SNTG1: variants seen among roughly 807,000 people sequenced by gnomAD.
SNTG1 encodes the protein syntrophin gamma 1.
SNTG1 carries 39 observed loss-of-function variants against 74.7 expected under a neutral mutation model. That is an observed-to-expected ratio of 0.52 (90% confidence interval 0.40 to 0.68). SNTG1 has a LOEUF of 0.68. Ranked by LOEUF, SNTG1 falls within the 30% of genes least tolerant of loss-of-function variation. SNTG1 has a pLI of 0.00. For missense variants in SNTG1, 685 were observed against 609.5 expected, an observed-to-expected ratio of 1.12 and a Z score of -1.30; for synonymous variants, 254 against 217.1, an observed-to-expected ratio of 1.17 and a Z score of -1.49.
intron 15 of SNTG1, among the ~76,000 whole-genome samples, chr8:50,678,241 T>C (rs1018207): frequency 0.33 from 50,539 of 151,932 alleles, 10,883 homozygotes; most frequent in African/African-American, 0.61. Context: ...ATATCAAACA[T>C]TCTCTACCTC....
chr8:50,114,544 G>A (rs2080737009), intron 1 of SNTG1, among the ~76,000 whole-genome samples: 1 of 152,152 alleles, frequency 6.6e-6, no homozygotes. Flanking sequence ...CTGGGGAAAT[G>A]TTGGCCAAAG....
chr8:50,012,101 T>G (rs1397896041), intron 1 of SNTG1, among the ~76,000 whole-genome samples: 7 of 151,346 alleles, frequency 4.6e-5, no homozygotes. Context: ...TGGCAAGAGA[T>G]GAGTAATTAT....
chr8:50,787,226 A>G (rs1299510159), intron 18 of SNTG1, among the ~76,000 whole-genome samples: 1 of 151,952 alleles, frequency 6.6e-6, no homozygotes, highest in Admixed American at 6.6e-5. Context: ...GTCAATAAGC[A>G]CAAGAAATGA....
At chr8:50,522,948 A>G (rs2094192097) in intron 9 of SNTG1, among the ~76,000 whole-genome samples, 1 of 152,174 alleles carries the variant, frequency 6.6e-6, no homozygotes, top group Non-Finnish European at 1.5e-5. Context: ...TGGATACATC[A>G]AAAATCTGTT....
At position 50,480,037 on chromosome 8, in the gene SNTG1, A is replaced by G. The variant is rs1372660821; in HGVS notation, c.364-22741A>G. On this transcript the variant is annotated intron_variant, in intron 8 of 18. Transcript: ENST00000642720. ...ACTTTAAAATAGTGAGACCTTGTCT[A>G]ACTGAGGATAGAGCACCTCTGGCTA... is the stretch of plus-strand genomic sequence containing the variant. Among the ~76,000 whole-genome samples the G allele has an allele frequency of 3.3e-5, 5 of 152,214 alleles. No homozygotes were observed. The East Asian group carries it at 9.6e-4, about 29-fold the overall frequency.
intron 2 of SNTG1, among the ~76,000 whole-genome samples, chr8:50,266,423 C>T (rs926385696): frequency 1.3e-5 from 2 of 151,678 alleles, no homozygotes; most frequent in African/African-American, 4.8e-5. Context: ...AAATCATAAA[C>T]AAAAGTTAAC....
chr8:50,149,171 T>G (rs1467216441), intron 1 of SNTG1, among the ~76,000 whole-genome samples: 1 of 152,256 alleles, frequency 6.6e-6, no homozygotes, highest in African/African-American at 2.4e-5. Context: ...ATGTGTCTGT[T>G]GGCTGCATAA....
chr8:50,433,948 G>A (rs1217048297), intron 4 of SNTG1, among the ~76,000 whole-genome samples: 2 of 152,126 alleles, frequency 1.3e-5, no homozygotes, highest in Non-Finnish European at 2.9e-5. Flanking sequence ...GTGCAGGTTT[G>A]TTACATATGT....
At chr8:50,126,589 A>G (rs947004953) in intron 1 of SNTG1, among the ~76,000 whole-genome samples, 18 of 152,002 alleles carry the variant, frequency 1.2e-4, no homozygotes, top group Non-Finnish European at 2.4e-4. Flanking sequence ...AAGCATATAT[A>G]CATTTACATA....
chr8:50,198,283 G>T (rs190448290), intron 2 of SNTG1, among the ~76,000 whole-genome samples: 1 of 152,330 alleles, frequency 6.6e-6, no homozygotes, highest in Admixed American at 6.5e-5. Context: ...TGGCAGTGGG[G>T]AGAAGGGAAA....
At chr8:50,049,681 G>T (rs1428797747) in intron 1 of SNTG1, among the ~76,000 whole-genome samples, 3 of 151,950 alleles carry the variant, frequency 2.0e-5, no homozygotes, top group African/African-American at 7.2e-5. Context: ...AACAATGGCA[G>T]AATCCACAAT....
intron 2 of SNTG1, among the ~76,000 whole-genome samples, chr8:50,215,037 G>T (rs1245229837): frequency 6.6e-6 from 1 of 152,134 alleles, no homozygotes; most frequent in Admixed American, 6.6e-5. Flanking sequence ...TCAAAATGCT[G>T]TAGACTGAGT....
At chr8:50,510,380 T>C (rs2094057939) in intron 9 of SNTG1, among the ~76,000 whole-genome samples, 1 of 152,184 alleles carries the variant, frequency 6.6e-6, no homozygotes, top group South Asian at 2.1e-4. Flanking sequence ...AATTGTCTTT[T>C]TTTGTCGTGT....
At chr8:50,419,513 A>C (rs1209992164) in intron 4 of SNTG1, among the ~76,000 whole-genome samples, 2 of 152,260 alleles carry the variant, frequency 1.3e-5, no homozygotes, top group Middle Eastern at 3.4e-3. Context: ...TGAAATTCAA[A>C]TCTGTGCAGC....
At chr8:50,443,747 A>G (rs967847486) in intron 5 of SNTG1, among the ~76,000 whole-genome samples, 4 of 152,220 alleles carry the variant, frequency 2.6e-5, no homozygotes, top group Non-Finnish European at 5.9e-5. Flanking sequence ...TATGCTTAGA[A>G]CTATAAAACC....
chr8:50,135,307 T>A (rs796917046), intron 1 of SNTG1, among the ~76,000 whole-genome samples: 5 of 152,274 alleles, frequency 3.3e-5, no homozygotes, highest in African/African-American at 1.2e-4. Context: ...TTCTTAACAT[T>A]CCATCATGTG....
intron 2 of SNTG1, among the ~76,000 whole-genome samples, chr8:50,348,800 G>C (rs563545925): frequency 1.8e-4 from 27 of 152,272 alleles, no homozygotes; most frequent in Non-Finnish European, 4.4e-5. Context: ...AACAGAAAAG[G>C]CAAATGCTTT....
At chr8:50,129,381 C>G (rs1450359175) in intron 1 of SNTG1, among the ~76,000 whole-genome samples, 1 of 152,048 alleles carries the variant, frequency 6.6e-6, no homozygotes, top group African/African-American at 2.4e-5. Flanking sequence ...GAAGGAGAGG[C>G]CCTCAATAAA....
At chr8:50,325,199 T>C (rs528906271) in intron 2 of SNTG1, among the ~76,000 whole-genome samples, 55 of 151,630 alleles carry the variant, frequency 3.6e-4, no homozygotes, top group African/African-American at 1.3e-3. Context: ...GTATTGCCCA[T>C]TGTGTATCTT....
Sources: allele counts gnomAD v4.1 joint callset (sites outside exome capture counted in the v4.1 genomes callset), GRCh38; gene constraint gnomAD v4.1.1; transcripts MANE v1.5; gene names NCBI Gene and HGNC (gene_info 2026-07-23, HGNC 2026-07-21).